The following ADPRHL1 variants were observed in gnomAD, a reference collection of about 807,000 sequenced individuals.
ADPRHL1 encodes the protein ADP-ribosylhydrolase like 1.
A neutral mutation model predicts 44.1 loss-of-function variants in ADPRHL1; 43 were observed. The observed-to-expected ratio is 0.98, with a 90% confidence interval of 0.76 to 1.26. The LOEUF (loss-of-function observed/expected upper bound fraction) is 1.26. ADPRHL1 is among the 50% of genes most tolerant of loss of function. The probability of loss-of-function intolerance (pLI) is 0.00; values close to 1 mark genes in which losing one functional copy is unlikely to be tolerated. For missense variants in ADPRHL1, 2,022 were observed against 2,496.9 expected (o/e 0.81, Z 4.05); for synonymous variants, 878 against 1,017.4 (o/e 0.86, Z 2.61).
intron 3 of ADPRHL1, among the ~76,000 whole-genome samples, 186 bp downstream of exon 3, chr13:113,433,556 G>A (rs1027627782): frequency 1.3e-5 from 2 of 152,184 alleles, no homozygotes; most frequent in African/African-American, 4.8e-5. Context: ...CAGTGTCCCG[G>A]GCAGGGCGCC....
At position 113,424,413 on chromosome 13, in the gene ADPRHL1, C is replaced by G. The variant is rs1039964576; in HGVS notation, c.775-64G>C. 3 of 1,593,452 alleles carry G rather than the reference C, an allele frequency of 1.9e-6. No homozygotes were observed. The African/African-American group carries it at 4.0e-5, about 21-fold the overall frequency. On this transcript the variant is annotated intron_variant, in intron 5 of 7. Coordinates refer to ENST00000612156, the MANE Select transcript of ADPRHL1 (RefSeq NM_001394807.1). ...GGAGCCACTTCTGGGTATATTACAG[C>G]ACAAGCTTTCTGGGCCCCTCCTAGT...
chr13:113,450,478 G>C (rs1307732167), intron 1 of ADPRHL1, among the ~76,000 whole-genome samples: 2 of 152,152 alleles, frequency 1.3e-5, no homozygotes, highest in African/African-American at 4.8e-5. Flanking sequence ...TGGGCCCGGG[G>C]GACCACTACT....
chr13:113,435,931 C>T (rs1286097234), intron 2 of ADPRHL1, among the ~76,000 whole-genome samples: 4 of 149,342 alleles, frequency 2.7e-5, no homozygotes, highest in African/African-American at 9.9e-5. Flanking sequence ...AGGTGTACCC[C>T]GGGACCTGGC....
Position 113,442,000 on chromosome 13 carries a change from G to A in ADPRHL1, c.379+2425C>T, listed in dbSNP as rs550591908. 5.9e-5 allele frequency among the ~76,000 whole-genome samples: 9 copies of A among 152,398 alleles called. No homozygotes were observed. The highest frequency in any genetic ancestry group is 3.4e-3 in the Middle Eastern group (1 of 294). On this transcript the variant is annotated intron_variant, in intron 2 of 7. Coordinates refer to ENST00000612156, the MANE Select transcript of ADPRHL1 (RefSeq NM_001394807.1). The surrounding 1 kb of genome is among the most constrained non-coding windows in gnomAD (Gnocchi z 6.0). ...TCTCTATCACGCTGTGTCCTGTGGC[G>A]CGGGTCTCTGTTTGCATCCAGTGCG...
rs568614446 is a variant in ADPRHL1, at chr13:113,431,960, G to A, written c.505+1782C>T. Among the ~76,000 whole-genome samples, 12 of 152,060 alleles carry A rather than the reference G, an allele frequency of 7.9e-5. No homozygotes were observed. In the East Asian group the frequency reaches 2.0e-3, roughly 25 times the overall value. On this transcript the variant is annotated intron_variant, in intron 3 of 7. Coordinates refer to ENST00000612156, the MANE Select transcript of ADPRHL1 (RefSeq NM_001394807.1). ...TTGAACTCCTGACCTCAGGTGATCC[G>A]CCTGCCTTGGCACCCCCAAAGTGCT...
At chr13:113,438,648 T>G (rs1449785501) in intron 2 of ADPRHL1, among the ~76,000 whole-genome samples, 1 of 152,072 alleles carries the variant, frequency 6.6e-6, no homozygotes, top group East Asian at 1.9e-4. Flanking sequence ...GAGCCGAGAT[T>G]GTGCCACTGG....
At chr13:113,435,006 CCGGGACCCGGCACCCAGG>C in intron 2 of ADPRHL1, among the ~76,000 whole-genome samples, 2 of 130,748 alleles carry the variant, frequency 1.5e-5, no homozygotes, top group African/African-American at 3.0e-5. Flanking sequence ...TAGGTGTACC[CCGGGACCCGGCACCCAGG>C]TGTAGAGTGA....
rs902922489 is a variant in ADPRHL1 at position 113,429,051 on chromosome 13, C to T, written c.547G>A (p.Ala183Thr). The T allele has an allele frequency of 1.1e-5, 17 of 1,612,466 alleles. No homozygotes were observed. The highest frequency in any genetic ancestry group is 1.7e-5 in the Admixed American group (1 of 59,982). Residue 183 changes from alanine (A) to threonine (T), a missense_variant, in exon 4 of 8, where the codon GCC becomes ACC. By Grantham distance (58) the Ala-to-Thr change is moderately conservative. This residue lies in a region of ADPRHL1 where 437 missense variants were observed against 430.7 expected (regional missense o/e 1.01). Transcript: ENST00000612156. ...TGGACCAGGGGCTTTCCTTGTGCGG[C>T]GAACGACACAAACAGGGCCGTGCAC... ...SLCTALFVSF[A>T]AQGKPLVQWG... is the part of the protein sequence containing the mutation.
Position 113,425,198 on chromosome 13 carries a change from G to T in ADPRHL1, c.647-19C>A. 1 of 1,606,446 alleles carries T rather than the reference G, an allele frequency of 6.2e-7. No individual in the cohort carries two copies. Among genetic ancestry groups the T allele is most frequent in the Non-Finnish European group, 8.5e-7 (1 of 1,177,342 alleles). ...TGGTATTCTAAACATAAAGAACAAG[G>T]GGAGCTGAACACAATGGCATCCATG... On this transcript the variant is annotated intron_variant, in intron 4 of 7. Transcript: ENST00000612156.
Position 113,436,118 on chromosome 13 carries a change from G to A in ADPRHL1, c.380-2251C>T, listed in dbSNP as rs113150538. Among the ~76,000 whole-genome samples the A allele has an allele frequency of 1.8e-3, 236 of 128,394 alleles. 4 individuals are homozygous for A. Among genetic ancestry groups the A allele is most frequent in the African/African-American group, 6.4e-3 (218 of 33,870 alleles). 84.2% of individuals were successfully genotyped at this position (128,394 alleles called of 152,430 possible). ...GTACCCCGGGACCCAGCATCCACACGTAGAGTGAACACAGGTGTACCCCGG... is the reference window on the plus strand; with the variant it reads ...GTACCCCGGGACCCAGCATCCACACATAGAGTGAACACAGGTGTACCCCGG... On this transcript the variant is annotated intron_variant, in intron 2 of 7. Coordinates refer to ENST00000612156, the MANE Select transcript of ADPRHL1 (RefSeq NM_001394807.1).
chr13:113,428,875 T>C (rs1404431773), intron 4 of ADPRHL1, 77 bp downstream of exon 4: 1 of 1,585,594 alleles, frequency 6.3e-7, no homozygotes, highest in Admixed American at 1.7e-5. Flanking sequence ...TGCCTTGAAG[T>C]ATTTGGGGGC....
rs78541124 is a variant in ADPRHL1, at chr13:113,405,325, G to A, written c.3957C>T (p.Pro1319=). The A allele has an allele frequency of 0.025, 31,077 of 1,231,802 alleles. 568 individuals carry two copies. The highest frequency in any genetic ancestry group is 0.098 in the African/African-American group (6,341 of 64,528). 76.3% of individuals were successfully genotyped at this position (1,231,802 alleles called of 1,614,324 possible). A position where few individuals can be genotyped will look rare whatever the true frequency, so the allele number is the denominator to read the frequency against. The change falls in exon 8 of 8, where the codon CCC becomes CCT. Residue 1319 remains proline, a synonymous_variant. Coordinates refer to ENST00000612156, the MANE Select transcript of ADPRHL1 (RefSeq NM_001394807.1). The part of the protein sequence containing the change: ...EPDHLLPAVP[P]AEVDMGWVGG... The stretch of plus-strand genomic sequence containing the variant: ...CTACCCACCCCATGTCCACCTCCGC[G>A]GGAGGCACTGCGGGAAGCAGATGGT...
intron 4 of ADPRHL1, 68 bp from the exon 5 acceptor site, chr13:113,425,247 G>A: frequency 7.4e-7 from 1 of 1,357,414 alleles, no homozygotes; most frequent in Non-Finnish European, 9.9e-7. Context: ...GCAGGGAGTT[G>A]GGGGTGGGGA....
At chr13:113,448,291 G>C (rs1346560671) in intron 1 of ADPRHL1, among the ~76,000 whole-genome samples, 2 of 151,678 alleles carry the variant, frequency 1.3e-5, no homozygotes, top group African/African-American at 4.8e-5. Flanking sequence ...TCAGGAGTTC[G>C]AGACCAGCCT....
rs565147714 is a variant in ADPRHL1 at position 113,440,518 on chromosome 13, C to T, written c.379+3907G>A. Reference sequence around the variant, plus strand: ...TGGCCTAGGCTGGAGTGCAGTGGCACGATCTCAGCTCACTGCAACCTCCGC... The same window carrying T: ...TGGCCTAGGCTGGAGTGCAGTGGCATGATCTCAGCTCACTGCAACCTCCGC... On this transcript the variant is annotated intron_variant, in intron 2 of 7. Transcript: ENST00000612156. Among the ~76,000 whole-genome samples the T allele has an allele frequency of 1.5e-4, 22 of 151,040 alleles. 1 individual carries two copies. The highest frequency in any genetic ancestry group is 9.8e-4 in the East Asian group (5 of 5,122).
chr13:113,426,286 C>T (rs1374833728), intron 4 of ADPRHL1, among the ~76,000 whole-genome samples: 1 of 152,220 alleles, frequency 6.6e-6, no homozygotes, highest in African/African-American at 2.4e-5. Flanking sequence ...TCCTGCCTGC[C>T]TTACGGTGAG....
rs976062674 is a variant in ADPRHL1 at position 113,407,879 on chromosome 13, C to A, written c.1403G>T (p.Gly468Val). 3 of 1,231,868 alleles carry A rather than the reference C, an allele frequency of 2.4e-6. No individual in the cohort carries two copies. Among genetic ancestry groups the A allele is most frequent in the Non-Finnish European group, 3.0e-6 (3 of 988,018 alleles). The allele number at this position is 1,231,868 out of a possible 1,614,324, so 76.3% of individuals were successfully genotyped here. A position where few individuals can be genotyped will look rare whatever the true frequency, so the allele number is the denominator to read the frequency against. The change falls in exon 8 of 8, where the codon GGT becomes GTT. Residue 468 changes from glycine to valine, a missense_variant. Transcript: ENST00000612156. ...CTCCAGGAGCTTGTTGATGGTGGCA[C>A]CCACGAGGCCCCCACCCGGCCCCTG... Reference protein sequence around the residue: ...DKQGPGGGLVGATINKLLEKT... With the variant: ...DKQGPGGGLVVATINKLLEKT...
chr13:113,447,350 C>T (rs572140027), intron 1 of ADPRHL1, among the ~76,000 whole-genome samples: 11 of 146,842 alleles, frequency 7.5e-5, no homozygotes, highest in African/African-American at 2.6e-4. Flanking sequence ...TCTACACTCA[C>T]GGTGTTGTGT....
At chr13:113,412,328 C>G (rs1439661706) in intron 7 of ADPRHL1, among the ~76,000 whole-genome samples, 10 of 152,220 alleles carry the variant, frequency 6.6e-5, no homozygotes, top group African/African-American at 2.4e-4. Flanking sequence ...CAGGCGCCCG[C>G]CACCACGCCC....
Sources: gnomAD v4.1 joint callset for allele counts (sites outside exome capture counted in the v4.1 genomes callset) on GRCh38, gnomAD v4.1.1 for gene constraint, gnomAD v4.1.1 regional missense constraint, Gnocchi (gnomAD v3.1) non-coding constraint, MANE v1.5 for transcripts, NCBI Gene and HGNC (gene_info 2026-07-23, HGNC 2026-07-21) for gene names.